CDC73: variants seen among roughly 807,000 people sequenced by gnomAD.
The protein encoded by CDC73 is parafibromin.
Under a neutral mutation model 83.7 loss-of-function variants are expected in CDC73, and 21 were observed. The observed-to-expected ratio is 0.25, with a 90% confidence interval of 0.18 to 0.36. The LOEUF (loss-of-function observed/expected upper bound fraction) is 0.36. CDC73 is among the 10% of genes least tolerant of loss of function. CDC73 has a pLI of 1.00. For missense variants in CDC73, 342 were observed against 653.3 expected, an observed-to-expected ratio of 0.52 and a Z score of 5.19; for synonymous variants, 224 against 212.9, an observed-to-expected ratio of 1.05 and a Z score of -0.45.
intron 13 of CDC73, among the ~76,000 whole-genome samples, chr1:193,220,120 T>C (rs1207868086): frequency 6.6e-6 from 1 of 151,742 alleles, no homozygotes; most frequent in Non-Finnish European, 1.5e-5. Context: ...GGAATGTGAA[T>C]GCTCTGGCTT....
intron 5 of CDC73, 104 bp downstream of exon 5, chr1:193,135,693 T>TC: frequency 1.1e-6 from 1 of 906,722 alleles, no homozygotes; most frequent in Non-Finnish European, 1.7e-6. Context: ...GAGCTTTTTT[T>TC]CTGGAAAAAT....
intron 7 of CDC73, among the ~76,000 whole-genome samples, chr1:193,142,627 CCCT>C (rs1157282492): frequency 6.6e-6 from 1 of 151,784 alleles, no homozygotes; most frequent in Admixed American, 6.6e-5. Flanking sequence ...CTCTCTGCCC[CCCT>C]CCTCCTTTCT....
rs1572150421 is a variant in CDC73 at position 193,135,403 on chromosome 1, G to A, written c.320G>A (p.Ser107Asn). ...YLNGEASTSASIDRSAPLEIG... is the reference protein window; with the variant it reads ...YLNGEASTSANIDRSAPLEIG... Reference sequence around the variant, plus strand: ...TTTATGTCTTCAGCAACATCGGCAAGTATAGACAGAAGCGCTCCCTTAGAA... The same window carrying A: ...TTTATGTCTTCAGCAACATCGGCAAATATAGACAGAAGCGCTCCCTTAGAA... The change falls in exon 4 of 17, where the codon AGT (serine) becomes AAT (asparagine). Residue 107 changes from serine (S) to asparagine (N), a missense_variant. Around this residue, in one of 3 missense-constraint regions of CDC73, gnomAD observed 99 missense variants for 174.5 expected, o/e 0.57. Transcript: ENST00000367435. The A allele has an allele frequency of 1.2e-6, 2 of 1,613,306 alleles. No individual in the cohort carries two copies. The highest frequency in any genetic ancestry group is 8.5e-7 in the Non-Finnish European group (1 of 1,179,328).
chr1:193,185,537 T>A (rs1163866645), intron 10 of CDC73, among the ~76,000 whole-genome samples: 2 of 152,158 alleles, frequency 1.3e-5, no homozygotes, highest in Non-Finnish European at 2.9e-5. Context: ...CTGTTACATA[T>A]TAAGGTTTTG....
At chr1:193,154,415 T>C (rs1453989054) in intron 10 of CDC73, among the ~76,000 whole-genome samples, 1 of 152,208 alleles carries the variant, frequency 6.6e-6, no homozygotes, top group African/African-American at 2.4e-5. Flanking sequence ...TCTTTATTGA[T>C]CAGTATGAGA....
intron 7 of CDC73, 89 bp from the exon 8 acceptor site, chr1:193,147,778 G>A (rs374793294): frequency 1.4e-5 from 11 of 782,902 alleles, no homozygotes; most frequent in South Asian, 1.2e-4. Flanking sequence ...GGGAAGAATC[G>A]ATAGTAAGAT....
chr1:193,203,230 G>A (rs1026043990), intron 10 of CDC73, among the ~76,000 whole-genome samples: 1 of 151,938 alleles, frequency 6.6e-6, no homozygotes, highest in Non-Finnish European at 1.5e-5. Flanking sequence ...ATTGAGATTT[G>A]TTGTTTAGTT....
chr1:193,221,638 C>G lies in CDC73; in HGVS notation c.1154+9161C>G, dbSNP rs1319891370. Among the ~76,000 whole-genome samples the G allele has an allele frequency of 2.0e-5, 3 of 152,282 alleles. No individual in the cohort carries two copies. The East Asian group carries it at 5.8e-4, about 29-fold the overall frequency. ...ATGTATTACAAATCTAATACTTAAACACTGTTTTATAGCAGAAAATAGTGA... is the reference window on the plus strand; with the variant it reads ...ATGTATTACAAATCTAATACTTAAAGACTGTTTTATAGCAGAAAATAGTGA... On this transcript the variant is annotated intron_variant, in intron 13 of 16. Coordinates refer to ENST00000367435, the MANE Select transcript of CDC73 (RefSeq NM_024529.5).
rs527605441 is a variant in CDC73 at position 193,243,346 on chromosome 1, A to C, written c.1418-6384A>C. Among the ~76,000 whole-genome samples the C allele has an allele frequency of 4.6e-5, 7 of 152,288 alleles. No individual in the cohort carries two copies. The East Asian group carries it at 1.3e-3, about 29-fold the overall frequency. On this transcript the variant is annotated intron_variant, in intron 15 of 16. Coordinates refer to ENST00000367435, the MANE Select transcript of CDC73 (RefSeq NM_024529.5). ...TGTTGGTGTAAGTTTGTTTCGCATC[A>C]TTGCTTCATGCGAATAAAGTATGAG...
intron 13 of CDC73, among the ~76,000 whole-genome samples, chr1:193,214,694 G>T (rs1012018399): frequency 7.9e-5 from 12 of 152,210 alleles, no homozygotes; most frequent in Non-Finnish European, 1.8e-4. Flanking sequence ...ACTCCAGCCT[G>T]GGCGACAGAG....
intron 10 of CDC73, among the ~76,000 whole-genome samples, chr1:193,153,109 G>A (rs756981023): frequency 3.3e-5 from 5 of 152,058 alleles, no homozygotes; most frequent in East Asian, 3.8e-4. Context: ...TTAAAGAGAT[G>A]GATTATAGTG....
At chr1:193,211,951 A>C (rs1677286705) in intron 11 of CDC73, 114 bp from the exon 12 acceptor site, 1 of 765,506 alleles carries the variant, frequency 1.3e-6, no homozygotes, top group Admixed American at 2.4e-5. Flanking sequence ...CTTCTGATTT[A>C]CAGTTAGTCA....
At chr1:193,130,488 A>G (rs1243319328) in intron 3 of CDC73, among the ~76,000 whole-genome samples, 1 of 152,098 alleles carries the variant, frequency 6.6e-6, no homozygotes, top group Non-Finnish European at 1.5e-5. Context: ...TGTCTTCGTA[A>G]ATTGTTGTTT....
At chr1:193,214,235 A>G (rs188645341) in intron 13 of CDC73, among the ~76,000 whole-genome samples, 2 of 152,326 alleles carry the variant, frequency 1.3e-5, no homozygotes, top group Non-Finnish European at 2.9e-5. Flanking sequence ...TTTCTAGCTC[A>G]GCATTTCAGG....
chr1:193,205,757 G>T (rs1477720988), intron 11 of CDC73, among the ~76,000 whole-genome samples: 2 of 152,104 alleles, frequency 1.3e-5, no homozygotes, highest in Non-Finnish European at 2.9e-5. Flanking sequence ...TATATAATAG[G>T]CTCTTGTCCA....
chr1:193,216,656 T>G (rs1212529039), intron 13 of CDC73, among the ~76,000 whole-genome samples: 1 of 147,072 alleles, frequency 6.8e-6, no homozygotes, highest in African/African-American at 2.5e-5. Context: ...AAAAAAAACC[T>G]GCTGGCCAGT....
chr1:193,249,580 C>T (rs1678010824), intron 15 of CDC73, 150 bp from the exon 16 acceptor site: 1 of 638,208 alleles, frequency 1.6e-6, no homozygotes, highest in South Asian at 1.9e-5. Flanking sequence ...TGTCCAGTGG[C>T]TGGCGTGTAT....
rs1355286253 is a variant in CDC73 at position 193,122,311 on chromosome 1, G to C, written c.111G>C (p.Lys37Asn). The change falls in exon 1 of 17, where the codon AAG becomes AAC. Residue 37 changes from lysine to asparagine, a missense_variant. Physicochemically the swap from Lys to Asn is moderately conservative, Grantham distance 94 (BLOSUM62 0). Transcript: ENST00000367435. Reference protein sequence around the residue: ...FGEFSWPKNVKTNYVVWGTGK... With the variant: ...FGEFSWPKNVNTNYVVWGTGK... ...AGTTCTCCTGGCCCAAGAATGTGAA[G>C]ACCAACTATGTTGTTTGGGGGTAAG... 6.2e-7 allele frequency: 1 copy of C among 1,614,180 alleles called. No homozygotes were observed. Among genetic ancestry groups the C allele is most frequent in the Non-Finnish European group, 8.5e-7 (1 of 1,180,006 alleles).
At position 193,240,588 on chromosome 1, in the gene CDC73, C is replaced by T. The variant is rs1362030009; in HGVS notation, c.1417+4232C>T. ...GATATTTCATCGTGGTTTTGATCTG[C>T]ACTTCCCTGATGGTTAGTGATGTTG... On this transcript the variant is annotated intron_variant, in intron 15 of 16. Coordinates refer to ENST00000367435, the MANE Select transcript of CDC73 (RefSeq NM_024529.5). Among the ~76,000 whole-genome samples, 8 of 152,180 alleles carry T rather than the reference C, an allele frequency of 5.3e-5. 1 individual carries two copies. Among genetic ancestry groups the T allele is most frequent in the Admixed American group, 3.9e-4 (6 of 15,280 alleles).
Sources: gnomAD v4.1 joint callset for allele counts (sites outside exome capture counted in the v4.1 genomes callset) on GRCh38, gnomAD v4.1.1 for gene constraint, gnomAD v4.1.1 regional missense constraint, MANE v1.5 for transcripts, NCBI Gene and HGNC (gene_info 2026-07-23, HGNC 2026-07-21) for gene names.